CNTLN: variants seen among roughly 807,000 people sequenced by gnomAD.
CNTLN encodes the protein centlein.
In CNTLN, 212 loss-of-function variants were observed where a neutral mutation model predicts 180.0. That is an observed-to-expected ratio of 1.18 (90% confidence interval 1.05 to 1.32). CNTLN has a LOEUF of 1.32. Ranked by LOEUF, CNTLN falls within the 40% of genes most tolerant of loss-of-function variation. The pLI is 0.00. For synonymous variants in CNTLN, 722 were observed against 563.1 expected, an observed-to-expected ratio of 1.28 and a Z score of -3.99; for missense variants, 2,095 against 1,610.9, an observed-to-expected ratio of 1.30 and a Z score of -5.14.
At chr9:17,353,809 C>T (rs1822571432) in intron 12 of CNTLN, among the ~76,000 whole-genome samples, 1 of 152,162 alleles carries the variant, frequency 6.6e-6, no homozygotes, top group Admixed American at 6.5e-5. Flanking sequence ...CTCCGCACCT[C>T]CTCTACCTGG....
chr9:17,296,009 T>A (rs943967016), intron 6 of CNTLN, among the ~76,000 whole-genome samples: 28 of 97,238 alleles, frequency 2.9e-4, no homozygotes, highest in African/African-American at 1.3e-3. Context: ...TGTGTGTGTG[T>A]GTGTGTGTGT....
intron 13 of CNTLN, among the ~76,000 whole-genome samples, chr9:17,369,028 G>A (rs892491055): frequency 5.3e-5 from 8 of 152,274 alleles, no homozygotes; most frequent in East Asian, 3.9e-4. Context: ...GATAGGTTAC[G>A]CTTTGTGTCC....
At chr9:17,496,142 A>G (rs1357187700) in intron 25 of CNTLN, among the ~76,000 whole-genome samples, 2 of 152,150 alleles carry the variant, frequency 1.3e-5, no homozygotes, top group African/African-American at 4.8e-5. Context: ...GGAGCAACAT[A>G]TTTAAATCAA....
At chr9:17,222,884 A>C (rs998998670) in intron 2 of CNTLN, among the ~76,000 whole-genome samples, 1 of 151,952 alleles carries the variant, frequency 6.6e-6, no homozygotes, top group Admixed American at 6.6e-5. Context: ...TAATCTATAA[A>C]TGTTGAAATG....
chr9:17,273,761 G>T lies in CNTLN; in HGVS notation c.878G>T (p.Arg293Met). The change falls in exon 6 of 26, where the codon AGG (arginine) becomes ATG (methionine). Residue 293 changes from arginine to methionine, a missense_variant. Arg to Met is a moderately conservative substitution (Grantham distance 91). Coordinates refer to ENST00000380647, the MANE Select transcript of CNTLN (RefSeq NM_017738.4). ...KTFEDNLIEA[R>M]KEVEVSQSKY... ...TTTGAAGACAATTTAATTGAAGCAA[G>T]GAAAGAAGTTGAAGTATCACAGAGT... The T allele has an allele frequency of 6.5e-7, 1 of 1,540,200 alleles. No homozygotes were observed. The highest frequency in any genetic ancestry group is 1.3e-5 in the South Asian group (1 of 79,276).
chr9:17,525,987 G>C, the CNTLN span, among the ~76,000 whole-genome samples: 1 of 151,874 alleles, frequency 6.6e-6, no homozygotes, highest in East Asian at 1.9e-4. Context: ...CCAGGCTGGA[G>C]TGCAGTGGCG....
chr9:17,205,340 A>C (rs974060130), intron 2 of CNTLN, among the ~76,000 whole-genome samples: 2 of 152,248 alleles, frequency 1.3e-5, no homozygotes, highest in Non-Finnish European at 2.9e-5. Flanking sequence ...GCAAATTGGT[A>C]TAATAAGCAA....
intron 3 of CNTLN, among the ~76,000 whole-genome samples, chr9:17,228,636 G>A (rs1358641654): frequency 6.6e-6 from 1 of 152,050 alleles, no homozygotes; most frequent in Non-Finnish European, 1.5e-5. Flanking sequence ...TGAGGGCAGA[G>A]TCTGTTTCTC....
chr9:17,444,969 A>C (rs1830316115), intron 18 of CNTLN, among the ~76,000 whole-genome samples: 1 of 152,078 alleles, frequency 6.6e-6, no homozygotes, highest in African/African-American at 2.4e-5. Flanking sequence ...GGAAATTTCT[A>C]CTCTATGCTA....
Position 17,274,453 on chromosome 9 carries a change from ATATCTATCTATC to A in CNTLN, c.983+627_983+638del, listed in dbSNP as rs71331478. ...GAACTTTTCCTTGGTTCATAGATCAATATCTATCTATCTATCTATCTATCTATCTATCTATCT... is the reference window on the plus strand; with the variant it reads ...GAACTTTTCCTTGGTTCATAGATCAATATCTATCTATCTATCTATCTATCT... On this transcript the variant is annotated intron_variant, in intron 6 of 25. Transcript: ENST00000380647. Among the ~76,000 whole-genome samples the A allele has an allele frequency of 4.9e-3, 684 of 138,870 alleles. 5 individuals are homozygous for A. Among genetic ancestry groups the A allele is most frequent in the African/African-American group, 5.3e-3 (198 of 37,196 alleles). 91.1% of individuals were successfully genotyped at this position (138,870 alleles called of 152,430 possible). A position where few individuals can be genotyped will look rare whatever the true frequency, so the allele number is the denominator to read the frequency against.
chr9:17,290,779 C>T lies in CNTLN; in HGVS notation c.984-7411C>T, dbSNP rs542771129. Among the ~76,000 whole-genome samples, 890 of 151,868 alleles carry T rather than the reference C, an allele frequency of 5.9e-3. 8 individuals are homozygous for T. The highest frequency in any genetic ancestry group is 0.02 in the African/African-American group (824 of 41,414). On this transcript the variant is annotated intron_variant, in intron 6 of 25. Coordinates refer to ENST00000380647, the MANE Select transcript of CNTLN (RefSeq NM_017738.4). ...TGGGAGTGACCCGATTTTCCAGGTG[C>T]GTCTGTCACCCCTTTCTTTGACTCG...
chr9:17,335,301 G>A (rs1314634470), intron 10 of CNTLN, among the ~76,000 whole-genome samples: 4 of 152,068 alleles, frequency 2.6e-5, no homozygotes, highest in African/African-American at 9.7e-5. Context: ...GGTGGATCAC[G>A]AGTTCAAGAG....
intron 5 of CNTLN, among the ~76,000 whole-genome samples, chr9:17,271,241 C>G (rs911146991): frequency 6.6e-6 from 1 of 151,974 alleles, no homozygotes; most frequent in Non-Finnish European, 1.5e-5. Context: ...GCGCCCAGCA[C>G]TATTTTTGTT....
intron 8 of CNTLN, among the ~76,000 whole-genome samples, chr9:17,326,910 A>T (rs1820332701): frequency 1.3e-5 from 2 of 152,180 alleles, no homozygotes; most frequent in African/African-American, 4.8e-5. Context: ...AACTAAATGT[A>T]ATGTATCCTA....
chr9:17,364,385 A>C (rs1172903378), intron 12 of CNTLN, among the ~76,000 whole-genome samples: 2 of 151,716 alleles, frequency 1.3e-5, no homozygotes, highest in East Asian at 3.9e-4. Context: ...GAACCCATCC[A>C]TTGAGTTTTA....
intron 21 of CNTLN, among the ~76,000 whole-genome samples, chr9:17,464,906 A>T (rs1831657237): frequency 6.6e-6 from 1 of 151,204 alleles, no homozygotes; most frequent in Non-Finnish European, 1.5e-5. Flanking sequence ...ATTACATTTT[A>T]TTCAGTATTT....
chr9:17,442,132 G>A (rs751123649), intron 18 of CNTLN, among the ~76,000 whole-genome samples: 4 of 152,076 alleles, frequency 2.6e-5, no homozygotes, highest in Non-Finnish European at 5.9e-5. Context: ...AGATTAATCC[G>A]GAATCAGAGG....
At chr9:17,195,423 T>C (rs1262080234) in intron 2 of CNTLN, among the ~76,000 whole-genome samples, 1 of 151,806 alleles carries the variant, frequency 6.6e-6, no homozygotes, top group African/African-American at 2.4e-5. Flanking sequence ...AGACTATTGT[T>C]TTTTTCCTTT....
intron 5 of CNTLN, among the ~76,000 whole-genome samples, chr9:17,269,418 C>G (rs937457459): frequency 1.1e-4 from 17 of 151,954 alleles, no homozygotes; most frequent in African/African-American, 2.9e-4. Flanking sequence ...TGCCTCTTAC[C>G]ATTCCTTTTT....
Sources: allele counts gnomAD v4.1 joint callset (sites outside exome capture counted in the v4.1 genomes callset), GRCh38; gene constraint gnomAD v4.1.1; transcripts MANE v1.5; gene names NCBI Gene and HGNC (gene_info 2026-07-23, HGNC 2026-07-21).